EPG5: variants seen among roughly 807,000 people sequenced by gnomAD.
EPG5 encodes the protein ectopic P granules protein 5 homolog.
Under a neutral mutation model 302.7 loss-of-function variants are expected in EPG5, and 159 were observed. That is an observed-to-expected ratio of 0.53 (90% CI 0.46 to 0.60). The LOEUF is 0.60. EPG5 is among the 20% of genes least tolerant of loss of function. The pLI is 0.00. For synonymous variants in EPG5, 1,158 were observed against 1,136.8 expected, an observed-to-expected ratio of 1.02 and a Z score of -0.37; for missense variants, 2,896 against 3,092.4, an observed-to-expected ratio of 0.94 and a Z score of 1.51.
chr18:45,837,320 G>C, the EPG5 span, among the ~76,000 whole-genome samples: 1 of 152,238 alleles, frequency 6.6e-6, no homozygotes, highest in African/African-American at 2.4e-5. Context: ...TGGGGGTGCA[G>C]GCACCAGGAA....
At chr18:45,937,091 G>T (rs1419852400) in intron 10 of EPG5, among the ~76,000 whole-genome samples, 1 of 151,726 alleles carries the variant, frequency 6.6e-6, no homozygotes, top group African/African-American at 2.4e-5. Flanking sequence ...CTTCACATGG[G>T]ACCTGATGCT....
chr18:45,836,263 C>G, the EPG5 span, among the ~76,000 whole-genome samples: 1 of 152,160 alleles, frequency 6.6e-6, no homozygotes, highest in African/African-American at 2.4e-5. Flanking sequence ...TTAATAATAT[C>G]TGCCCTGCCT....
rs957672685 is a variant in EPG5 at position 45,913,846 on chromosome 18, A to G, written c.3694-18T>C. 4 of 1,612,184 alleles carry G rather than the reference A, an allele frequency of 2.5e-6. No homozygotes were observed. Among genetic ancestry groups the G allele is most frequent in the Non-Finnish European group, 3.4e-6 (4 of 1,179,302 alleles). On this transcript the variant is annotated intron_variant, in intron 20 of 43. Coordinates refer to ENST00000282041, the MANE Select transcript of EPG5 (RefSeq NM_020964.3). ...AACCAGACCTATAATGACACCAGAT[A>G]AAGGGGAGGGGAAGGAGGAGCTCGC...
intron 9 of EPG5, among the ~76,000 whole-genome samples, chr18:45,942,873 A>G (rs538650043): frequency 6.6e-6 from 1 of 152,340 alleles, no homozygotes; most frequent in Non-Finnish European, 1.5e-5. Context: ...GTATTTTCCT[A>G]GATGCCTTCT....
At chr18:45,897,429 G>A (rs1168261770) in intron 27 of EPG5, among the ~76,000 whole-genome samples, 1 of 151,880 alleles carries the variant, frequency 6.6e-6, no homozygotes, top group African/African-American at 2.4e-5. Context: ...ATTAAAACCG[G>A]ATACATTTTC....
rs548945042 is a variant in EPG5, at chr18:45,879,453, C to T, written c.5668-239G>A. Among the ~76,000 whole-genome samples the T allele has an allele frequency of 5.3e-5, 8 of 152,270 alleles. No homozygotes were observed. The East Asian group carries it at 9.7e-4, about 18-fold the overall frequency. ...CACGATCTTGGCTCATCGCAACCTC[C>T]GCTTCCTGGGTTCAAGCGATTCTCC... On this transcript the variant is annotated intron_variant, in intron 32 of 43. Transcript: ENST00000282041.
chr18:45,833,327 T>C, the EPG5 span, among the ~76,000 whole-genome samples: 1 of 152,124 alleles, frequency 6.6e-6, no homozygotes, highest in East Asian at 1.9e-4. Context: ...TTATTATTAT[T>C]ATTATTTGAG....
rs867832563 is a variant in EPG5, at chr18:45,877,334, G to A, written c.5943-992C>T. Among the ~76,000 whole-genome samples the A allele has an allele frequency of 9.2e-5, 14 of 152,234 alleles. 1 individual carries two copies. In the South Asian group the frequency reaches 1.0e-3, roughly 11 times the overall value. ...CTCAGGGGGCTGAGGCAGGAGAATC[G>A]CTTGAACCTGGGAGGCAGAGGTTGC... is the stretch of plus-strand genomic sequence containing the variant. On this transcript the variant is annotated intron_variant, in intron 34 of 43. Transcript: ENST00000282041.
the EPG5 span, among the ~76,000 whole-genome samples, chr18:45,839,736 A>G: frequency 6.6e-6 from 1 of 152,298 alleles, no homozygotes; most frequent in South Asian, 2.1e-4. Flanking sequence ...AGCAGAGATC[A>G]TGGTGGATTG....
Position 45,910,547 on chromosome 18 carries a change from T to C in EPG5, c.4179A>G (p.Ser1393=). The part of the protein sequence containing the change: ...SHSGTPGYLT[S]PELHKELVRL... ...TCACCAGCTCCTTGTGCAGTTCTGG[T>C]GAAGTCAGGTAACCAGGGGTGCCAG... The change falls in exon 23 of 44, where the codon TCA becomes TCG. Residue 1393 remains serine, a synonymous_variant. Coordinates refer to ENST00000282041, the MANE Select transcript of EPG5 (RefSeq NM_020964.3). 2 of 1,612,406 alleles carry C rather than the reference T, an allele frequency of 1.2e-6. No homozygotes were observed. The highest frequency in any genetic ancestry group is 1.7e-6 in the Non-Finnish European group (2 of 1,179,456).
At chr18:45,842,454 AGAG>A in the EPG5 span, 1 of 478,910 alleles carries the variant, frequency 2.1e-6, no homozygotes, top group East Asian at 3.4e-5. Context: ...AGAGAGAGAG[AGAG>A]AGAGTACACG....
intron 35 of EPG5, among the ~76,000 whole-genome samples, chr18:45,874,855 A>G (rs778007638): frequency 1.3e-5 from 2 of 152,240 alleles, no homozygotes; most frequent in Non-Finnish European, 2.9e-5. Flanking sequence ...CCAGAAGCAA[A>G]GAGGAAGCCA....
At chr18:45,842,143 C>T in the EPG5 span, 1 of 1,614,196 alleles carries the variant, frequency 6.2e-7, no homozygotes, top group African/African-American at 1.3e-5. Context: ...AAATTTGAGC[C>T]AGATGAACCC....
intron 13 of EPG5, among the ~76,000 whole-genome samples, chr18:45,926,656 G>A (rs1330047262): frequency 3.3e-5 from 5 of 151,740 alleles, no homozygotes; most frequent in African/African-American, 9.7e-5. Flanking sequence ...GTGAAACCTC[G>A]TCTCTACTAA....
intron 9 of EPG5, among the ~76,000 whole-genome samples, chr18:45,940,259 T>C (rs991356990): frequency 6.6e-6 from 1 of 152,018 alleles, no homozygotes; most frequent in Non-Finnish European, 1.5e-5. Flanking sequence ...TGCTGAGAGG[T>C]AGACTGGCTG....
At chr18:45,966,728 G>C (rs369984077) in intron 1 of EPG5, among the ~76,000 whole-genome samples, 5 of 152,320 alleles carry the variant, frequency 3.3e-5, no homozygotes, top group African/African-American at 1.2e-4. Flanking sequence ...CACAGCACTA[G>C]TCTACTTATA....
At chr18:45,881,988 GA>G (rs1418693560) in intron 31 of EPG5, among the ~76,000 whole-genome samples, 4 of 152,168 alleles carry the variant, frequency 2.6e-5, no homozygotes, top group Non-Finnish European at 5.9e-5. Flanking sequence ...CAAGACAGCT[GA>G]AAAGTCAAGA....
At chr18:45,826,014 T>G in the EPG5 span, among the ~76,000 whole-genome samples, 3 of 152,144 alleles carry the variant, frequency 2.0e-5, no homozygotes, top group Admixed American at 2.0e-4. Context: ...GGCTTCAGGG[T>G]GGCTGCCTAT....
At chr18:45,953,633 A>G in intron 2 of EPG5, 1 of 985,142 alleles carries the variant, frequency 1.0e-6, no homozygotes, top group Middle Eastern at 5.2e-4. Flanking sequence ...GTTGCATCTA[A>G]TGGTCTTCTC....
Sources: allele counts gnomAD v4.1 joint callset (sites outside exome capture counted in the v4.1 genomes callset), GRCh38; gene constraint gnomAD v4.1.1; transcripts MANE v1.5; gene names NCBI Gene and HGNC (gene_info 2026-07-23, HGNC 2026-07-21).